Variants in CEP128 observed in about 807,000 individuals in gnomAD.
The protein encoded by CEP128 is centrosomal protein 128.
Under a neutral mutation model 156.7 loss-of-function variants are expected in CEP128, and 132 were observed. That is an observed-to-expected ratio of 0.84 (90% CI 0.73 to 0.97). CEP128 has a LOEUF of 0.97. Among genes scored for constraint, CEP128 ranks in the 50% least tolerant of loss-of-function variants. The probability of loss-of-function intolerance (pLI) is 0.00; values close to 1 mark genes in which losing one functional copy is unlikely to be tolerated. For missense variants in CEP128, 1,252 were observed against 1,281.9 expected (o/e 0.98, Z 0.36); for synonymous variants, 469 against 448.9 (o/e 1.04, Z -0.57).
intron 19 of CEP128, among the ~76,000 whole-genome samples, chr14:80,602,725 T>C (rs1406713096): frequency 6.6e-6 from 1 of 152,058 alleles, no homozygotes; most frequent in Non-Finnish European, 1.5e-5. Context: ...TGAGCCGAGA[T>C]CGCGCCACTG....
chr14:80,759,276 T>G (rs1899834787), intron 17 of CEP128, among the ~76,000 whole-genome samples: 1 of 152,182 alleles, frequency 6.6e-6, no homozygotes, highest in Admixed American at 6.5e-5. Context: ...TTTCTCAAAC[T>G]CATTTATTAC....
intron 19 of CEP128, among the ~76,000 whole-genome samples, chr14:80,658,280 C>T (rs930641792): frequency 1.3e-5 from 2 of 152,186 alleles, no homozygotes; most frequent in Admixed American, 6.5e-5. Context: ...GGTTTTGAGT[C>T]TCCTTAGATT....
chr14:80,753,708 A>G (rs944399695), intron 18 of CEP128, among the ~76,000 whole-genome samples: 5 of 152,220 alleles, frequency 3.3e-5, no homozygotes, highest in Non-Finnish European at 1.5e-5. Flanking sequence ...CTGTCCAAAT[A>G]GAAGTTTCTG....
chr14:80,508,491 C>T (rs1185994020), intron 23 of CEP128, among the ~76,000 whole-genome samples: 1 of 152,054 alleles, frequency 6.6e-6, no homozygotes, highest in African/African-American at 2.4e-5. Flanking sequence ...TCATCATTAT[C>T]ATTATTAGGG....
chr14:80,775,836 T>A (rs960392052), intron 16 of CEP128, among the ~76,000 whole-genome samples: 1 of 152,232 alleles, frequency 6.6e-6, no homozygotes. Context: ...TATTTTTTAT[T>A]TTTTTATTTT....
At chr14:80,785,568 C>T (rs1261390008) in intron 14 of CEP128, 23 bp from the exon 15 acceptor site, 2 of 1,522,706 alleles carry the variant, frequency 1.3e-6, no homozygotes, top group Non-Finnish European at 1.8e-6. Flanking sequence ...GAACATGAAG[C>T]AAAAGAAAAA....
chr14:80,743,055 AAAG>A lies in CEP128; in HGVS notation c.2806+17_2806+19del. 6.2e-7 allele frequency: 1 copy of A among 1,607,206 alleles called. No homozygotes were observed. Among genetic ancestry groups the A allele is most frequent in the Non-Finnish European group, 8.5e-7 (1 of 1,175,958 alleles). ...CCATAAATATAAACAAAGAAAAATG[AAAG>A]AACAACTAACACACACCTCTCTTCT... On this transcript the variant is annotated intron_variant, in intron 19 of 24. Transcript: ENST00000555265.
At chr14:80,621,407 G>C (rs576771277) in intron 19 of CEP128, among the ~76,000 whole-genome samples, 1 of 152,152 alleles carries the variant, frequency 6.6e-6, no homozygotes, top group South Asian at 2.1e-4. Flanking sequence ...GATTGTGTAA[G>C]AACTTAAGAC....
At chr14:80,906,113 A>G in intron 4 of CEP128, 32 bp from the exon 5 acceptor site, 1 of 1,486,956 alleles carries the variant, frequency 6.7e-7, no homozygotes, top group Non-Finnish European at 9.0e-7. Flanking sequence ...ATGAAGCGTT[A>G]TTCTTCTTAA....
chr14:80,521,162 A>T (rs1888729926), intron 23 of CEP128, among the ~76,000 whole-genome samples: 1 of 152,012 alleles, frequency 6.6e-6, no homozygotes, highest in Admixed American at 6.6e-5. Flanking sequence ...TTTAAAGGAA[A>T]CAATCATTGT....
intron 23 of CEP128, 65 bp from the exon 24 acceptor site, chr14:80,505,085 G>A (rs752537545): frequency 2.7e-5 from 17 of 632,776 alleles, no homozygotes; most frequent in East Asian, 2.0e-4. Context: ...TCATTTAAAC[G>A]TACTGAAGCT....
chr14:80,831,155 T>C lies in CEP128; in HGVS notation c.1197A>G (p.Ala399=). 1.2e-6 allele frequency: 2 copies of C among 1,614,030 alleles called. No homozygotes were observed. ...AGAGCAAAGTCACCTCTACTTGTGA[T>C]GCCAAATGTGCTTTCTCCTTGTCTT... ...ERKDKEKAHL[A]SQVENLTREL... is the part of the protein sequence containing the mutation. Residue 399 remains alanine, a synonymous_variant, in exon 13 of 25, where the codon GCA becomes GCG. Coordinates refer to ENST00000555265, the MANE Select transcript of CEP128 (RefSeq NM_152446.5).
At chr14:80,745,149 TAGTC>T (rs1899034883) in intron 18 of CEP128, among the ~76,000 whole-genome samples, 1 of 152,096 alleles carries the variant, frequency 6.6e-6, no homozygotes, top group South Asian at 2.1e-4. Flanking sequence ...GTCCTCATGA[TAGTC>T]AGTGAGTTCT....
chr14:80,834,661 T>TA (rs1310094467), intron 12 of CEP128, among the ~76,000 whole-genome samples: 2 of 152,166 alleles, frequency 1.3e-5, no homozygotes, highest in Admixed American at 6.5e-5. Context: ...CTCAAAGACT[T>TA]ACAACAGAAA....
intron 14 of CEP128, among the ~76,000 whole-genome samples, chr14:80,787,522 G>C (rs1901474518): frequency 2.0e-5 from 3 of 151,958 alleles, no homozygotes. Flanking sequence ...CAGATAATGT[G>C]ATCACAGGAG....
Position 80,956,043 on chromosome 14 carries a change from T to C in CEP128, c.-172+2135A>G, listed in dbSNP as rs1886659227. The stretch of plus-strand genomic sequence containing the variant: ...ATCGCCCACACTTGGGAAGGTATCA[T>C]TGTTGACATCCTCATTCCCAACACA... On this transcript the variant is annotated intron_variant, in intron 2 of 7. Coordinates refer to the CEP128 transcript ENST00000555529. 8.9e-6 allele frequency: 6 copies of C among 675,176 alleles called. No homozygotes were observed. The South Asian group carries it at 1.0e-4, about 12-fold the overall frequency. 41.8% of individuals were successfully genotyped at this position (675,176 alleles called of 1,614,324 possible).
At chr14:80,729,094 T>G (rs1020839174) in intron 19 of CEP128, among the ~76,000 whole-genome samples, 2 of 138,502 alleles carry the variant, frequency 1.4e-5, no homozygotes, top group African/African-American at 2.7e-5. Context: ...TGTGTGTGTG[T>G]GTGTGTGTGT....
At chr14:80,487,865 A>G (rs967079693), downstream of CEP128, among the ~76,000 whole-genome samples, 2 of 152,048 alleles carry the variant, frequency 1.3e-5, no homozygotes, top group African/African-American at 4.8e-5. Flanking sequence ...TCTCTGGGAC[A>G]CATTCAAAGC....
At chr14:80,779,882 A>AT (rs1901009850) in intron 15 of CEP128, among the ~76,000 whole-genome samples, 1 of 152,218 alleles carries the variant, frequency 6.6e-6, no homozygotes, top group Non-Finnish European at 1.5e-5. Flanking sequence ...CATTATTCCT[A>AT]TTTTAACAGT....
Sources: allele counts gnomAD v4.1 joint callset (sites outside exome capture counted in the v4.1 genomes callset), GRCh38; gene constraint gnomAD v4.1.1; transcripts MANE v1.5; gene names NCBI Gene and HGNC (gene_info 2026-07-23, HGNC 2026-07-21).